PHF7: variants seen among roughly 807,000 people sequenced by gnomAD.
PHF7 encodes the protein E3 ubiquitin-protein ligase PHF7.
A neutral mutation model predicts 47.5 loss-of-function variants in PHF7; 24 were observed. The ratio of observed to expected loss-of-function variants is 0.51; its 90% confidence interval spans 0.37 to 0.71. The LOEUF (loss-of-function observed/expected upper bound fraction) is 0.71, where lower values mean the gene tolerates loss of function less well. Ranked by LOEUF, PHF7 falls within the 30% of genes least tolerant of loss-of-function variation. PHF7 has a pLI of 0.00. For synonymous variants in PHF7, 156 were observed against 153.8 expected (o/e 1.01, Z -0.11); for missense variants, 361 against 456.8 (o/e 0.79, Z 1.91).
chr3:52,421,139 C>G, intron 7 of PHF7, 77 bp downstream of exon 7: 5 of 1,328,502 alleles, frequency 3.8e-6, no homozygotes, highest in Non-Finnish European at 5.2e-6. Context: ...CCTGGGAATG[C>G]TCAGGTGTGC....
At chr3:52,413,896 C>T (rs1199037572) in intron 2 of PHF7, 100 bp from the exon 3 acceptor site, 2 of 772,730 alleles carry the variant, frequency 2.6e-6, no homozygotes, top group African/African-American at 1.7e-5. Context: ...ATATGTTGGT[C>T]CTTCATCAGA....
At chr3:52,411,917 A>C (rs1705455006) in intron 1 of PHF7, among the ~76,000 whole-genome samples, 1 of 152,166 alleles carries the variant, frequency 6.6e-6, no homozygotes, top group African/African-American at 2.4e-5. Context: ...GCCTAGGTGA[A>C]AAGAATTGAT....
Position 52,422,862 on chromosome 3 carries a change from T to A in PHF7, c.900T>A (p.Cys300Ter). 6.2e-7 allele frequency: 1 copy of A among 1,614,074 alleles called. No individual in the cohort carries two copies. Among genetic ancestry groups the A allele is most frequent in the Non-Finnish European group, 8.5e-7 (1 of 1,179,994 alleles). Residue 300 changes from cysteine to a stop codon, truncating the protein, a stop_gained, in exon 10 of 11, where the codon TGT becomes TGA. Transcript: ENST00000327906. LOFTEE classifies it low-confidence loss of function (END_TRUNC). The part of the protein sequence containing the change: ...SNSKKWECEE[C>*]SPAAATDYIP... The stretch of plus-strand genomic sequence containing the variant: ...GTAAGAAATGGGAGTGTGAGGAGTG[T>A]TCACCTGCTGCAGCCACAGGTGAGG...
intron 8 of PHF7, 145 bp downstream of exon 8, chr3:52,421,899 T>G (rs1277288987): frequency 1.3e-5 from 7 of 519,174 alleles, no homozygotes; most frequent in Admixed American, 3.3e-5. Context: ...GCTTTTCAAT[T>G]ATCAAAACAG....
intron 4 of PHF7, 170 bp downstream of exon 4, chr3:52,414,757 C>G (rs1705569559): frequency 2.9e-6 from 1 of 339,080 alleles, no homozygotes; most frequent in Non-Finnish European, 5.4e-6. Context: ...GCCTGTAATC[C>G]CAGCACTCTG....
At chr3:52,419,221 G>T (rs1351272182) in intron 4 of PHF7, among the ~76,000 whole-genome samples, 2 of 152,088 alleles carry the variant, frequency 1.3e-5, no homozygotes, top group Non-Finnish European at 1.5e-5. Context: ...AAGAGTCCAG[G>T]TTCCAGAGTT....
chr3:52,422,385 T>C (rs1389130125), intron 9 of PHF7, 47 bp downstream of exon 9: 3 of 1,190,048 alleles, frequency 2.5e-6, no homozygotes, highest in Non-Finnish European at 3.8e-6. Context: ...AGTGCTATCT[T>C]AGAGTTAGAC....
intron 1 of PHF7, among the ~76,000 whole-genome samples, chr3:52,411,645 C>T (rs1429441132): frequency 2.0e-5 from 3 of 152,234 alleles, no homozygotes; most frequent in Non-Finnish European, 4.4e-5. Context: ...GAAATGCTGT[C>T]CTTCTCCTCT....
At chr3:52,415,141 T>C (rs1282575315) in intron 4 of PHF7, among the ~76,000 whole-genome samples, 2 of 152,222 alleles carry the variant, frequency 1.3e-5, no homozygotes, top group African/African-American at 4.8e-5. Context: ...ATCCTTCCAA[T>C]TGCTTTTTCC....
chr3:52,412,930 G>T lies in PHF7; in HGVS notation c.41+10G>T, dbSNP rs770795287. The stretch of plus-strand genomic sequence containing the variant: ...AATGCCAGAGATTGAGGTAGAAGTA[G>T]TTGACATAGGGAATTTGGGAGAAAT... On this transcript the variant is annotated intron_variant, in intron 2 of 10. Transcript: ENST00000327906. 4 of 1,603,824 alleles carry T rather than the reference G, an allele frequency of 2.5e-6. No homozygotes were observed. Among genetic ancestry groups the T allele is most frequent in the Non-Finnish European group, 3.4e-6 (4 of 1,171,610 alleles).
intron 4 of PHF7, among the ~76,000 whole-genome samples, chr3:52,416,998 G>A (rs1705646198): frequency 7.1e-6 from 1 of 139,996 alleles, no homozygotes; most frequent in Non-Finnish European, 1.5e-5. Flanking sequence ...GAACAAGTTT[G>A]TAATTGTAAT....
chr3:52,420,913 G>A lies in PHF7; in HGVS notation c.424G>A (p.Asp142Asn), dbSNP rs1000889665. 9.3e-6 allele frequency: 15 copies of A among 1,608,396 alleles called. No individual in the cohort carries two copies. The highest frequency in any genetic ancestry group is 1.3e-5 in the African/African-American group (1 of 74,556). The change falls in exon 7 of 11, where the codon GAC becomes AAC. Residue 142 changes from aspartate to asparagine, a missense_variant. Coordinates refer to ENST00000327906, the MANE Select transcript of PHF7 (RefSeq NM_016483.7). ...GTTTACCTGCCACAGATCATTTTGT[G>A]ACAAACATCGCCCAACACAGAACAT... ...QFFGEYKSFCDKHRPTQNIQH... is the reference protein window; with the variant it reads ...QFFGEYKSFCNKHRPTQNIQH...
At chr3:52,418,384 T>C (rs1578242977) in intron 4 of PHF7, among the ~76,000 whole-genome samples, 1 of 152,176 alleles carries the variant, frequency 6.6e-6, no homozygotes, top group Non-Finnish European at 1.5e-5. Context: ...ATAGAACATA[T>C]AGATATAGTT....
intron 4 of PHF7, among the ~76,000 whole-genome samples, chr3:52,417,824 G>A (rs1705668766): frequency 6.6e-6 from 1 of 152,186 alleles, no homozygotes; most frequent in Non-Finnish European, 1.5e-5. Flanking sequence ...TTGAATAGAA[G>A]TGGTGTGAGT....
At position 52,422,232 on chromosome 3, in the gene PHF7, T is replaced by C. The variant is rs768751750; in HGVS notation, c.691T>C (p.Trp231Arg). 6.2e-7 allele frequency: 1 copy of C among 1,611,606 alleles called. No individual in the cohort carries two copies. The highest frequency in any genetic ancestry group is 1.1e-5 in the South Asian group (1 of 91,042). The change falls in exon 9 of 11, where the codon TGG becomes CGG. Residue 231 changes from tryptophan (W) to arginine (R), a missense_variant. Trp to Arg is a moderately radical substitution (Grantham distance 101). Coordinates refer to ENST00000327906, the MANE Select transcript of PHF7 (RefSeq NM_016483.7). Reference sequence around the variant, plus strand: ...CTTCTCCCACTGCAGAGATGCTGCCTGGGAACTCGAGCCAGGGGCTTTCTC... The same window carrying C: ...CTTCTCCCACTGCAGAGATGCTGCCCGGGAACTCGAGCCAGGGGCTTTCTC... ...GIHIPDRDAAWELEPGAFSDL... is the reference protein window; with the variant it reads ...GIHIPDRDAARELEPGAFSDL...
chr3:52,416,384 C>T (rs1705625568), intron 4 of PHF7, among the ~76,000 whole-genome samples: 1 of 150,628 alleles, frequency 6.6e-6, no homozygotes, highest in South Asian at 2.1e-4. Context: ...CAGGGTTTCA[C>T]CGTGTTAGCC....
At chr3:52,411,408 A>G (rs1381942940) in intron 1 of PHF7, 161 bp downstream of exon 1, 4 of 152,360 alleles carry the variant, frequency 2.6e-5, no homozygotes, top group African/African-American at 9.6e-5. Context: ...AAGCCATCAG[A>G]TGTCATTGCT....
Position 52,422,271 on chromosome 3 carries a change from C to T in PHF7, c.730C>T (p.Arg244Cys), listed in dbSNP as rs1017280609. ...AGGGGCTTTCTCAGACTTATATCAG[C>T]GCTATCAGCACTGTGATGCCCCCAT... ...EPGAFSDLYQ[R>C]YQHCDAPICL... The change falls in exon 9 of 11, where the codon CGC becomes TGC. Residue 244 changes from arginine (R) to cysteine (C), a missense_variant. Transcript: ENST00000327906. 10 of 1,613,938 alleles carry T rather than the reference C, an allele frequency of 6.2e-6. No homozygotes were observed. Among genetic ancestry groups the T allele is most frequent in the Non-Finnish European group, 8.5e-6 (10 of 1,179,810 alleles).
chr3:52,414,121 G>A, intron 3 of PHF7, 73 bp downstream of exon 3: 1 of 969,352 alleles, frequency 1.0e-6, no homozygotes, highest in Non-Finnish European at 1.7e-6. Context: ...GTGTGGGGCA[G>A]TATACTTGCT....
Sources: allele counts gnomAD v4.1 joint callset (sites outside exome capture counted in the v4.1 genomes callset), GRCh38; gene constraint gnomAD v4.1.1; transcripts MANE v1.5; gene names NCBI Gene and HGNC (gene_info 2026-07-23, HGNC 2026-07-21).